SIK3: variants seen among roughly 807,000 people sequenced by gnomAD.
SIK3 encodes SIK family kinase 3, also known as serine/threonine-protein kinase SIK3.
Under a neutral mutation model 144.2 loss-of-function variants are expected in SIK3, and 28 were observed. The observed-to-expected ratio is 0.19, with a 90% CI of 0.14 to 0.27. The LOEUF (loss-of-function observed/expected upper bound fraction) is 0.27. Ranked by LOEUF, SIK3 falls within the 10% of genes least tolerant of loss-of-function variation. The pLI, the probability that SIK3 is intolerant of heterozygous loss-of-function variation, is 1.00. For synonymous variants in SIK3, 686 were observed against 676.3 expected (o/e 1.01, Z -0.22); for missense variants, 1,319 against 1,776.0 (o/e 0.74, Z 4.62).
At chr11:116,936,873 G>A (rs1037606808) in intron 3 of SIK3, among the ~76,000 whole-genome samples, 7 of 152,210 alleles carry the variant, frequency 4.6e-5, no homozygotes, top group Admixed American at 1.3e-4. Flanking sequence ...CTTTGCTCAG[G>A]GTTTTACTTC....
chr11:117,062,618 T>A (rs1953845390), intron 1 of SIK3, among the ~76,000 whole-genome samples: 1 of 152,182 alleles, frequency 6.6e-6, no homozygotes, highest in Non-Finnish European at 1.5e-5. Flanking sequence ...TTAGTTTCAA[T>A]TCTGAATCAT....
At chr11:117,055,131 C>T (rs1429713400) in intron 1 of SIK3, among the ~76,000 whole-genome samples, 3 of 152,156 alleles carry the variant, frequency 2.0e-5, no homozygotes, top group Admixed American at 2.0e-4. Context: ...ACTGAAGCCA[C>T]AGAAAGACTC....
chr11:116,858,312 C>G lies in SIK3; in HGVS notation c.3153G>C (p.Arg1051=). The G allele has an allele frequency of 3.1e-6, 5 of 1,613,120 alleles. No homozygotes were observed. The highest frequency in any genetic ancestry group is 4.2e-6 in the Non-Finnish European group (5 of 1,179,324). ...GTTGCTGCTGTTGCTGCTGCTGCTG[C>G]CGTTGTTGCTGCTGCCTTTTAATGA... ...AQLIKRQQQQ[R]QQQQQQQQQQ... The change falls in exon 21 of 25, where the codon CGG becomes CGC. Residue 1051 remains arginine, a synonymous_variant. Coordinates refer to ENST00000445177, the MANE Select transcript of SIK3 (RefSeq NM_001366686.3). The surrounding 1 kb of genome is among the most constrained non-coding windows in gnomAD (Gnocchi z 5.4).
chr11:116,903,213 ACCT>A (rs1945828339), intron 4 of SIK3, among the ~76,000 whole-genome samples: 1 of 152,174 alleles, frequency 6.6e-6, no homozygotes, highest in African/African-American at 2.4e-5. Flanking sequence ...ATGGGAGAAT[ACCT>A]CCTCTTCATT....
At chr11:117,081,602 C>T (rs1191385634) in intron 1 of SIK3, among the ~76,000 whole-genome samples, 2 of 151,914 alleles carry the variant, frequency 1.3e-5, no homozygotes, top group Admixed American at 1.3e-4. Context: ...CCAGCGTGGG[C>T]GACAGAGCGA....
chr11:116,887,571 C>T (rs1215072987), intron 6 of SIK3, among the ~76,000 whole-genome samples: 1 of 150,246 alleles, frequency 6.7e-6, no homozygotes, highest in Non-Finnish European at 1.5e-5. Flanking sequence ...GAGCTGAGGT[C>T]GCACCACTGC....
In SIK3 at chr11:117,086,548, G is replaced by A. The variant is rs193226182; in HGVS notation, c.273+11595C>T. On this transcript the variant is annotated intron_variant, in intron 1 of 24. Coordinates refer to ENST00000445177, the MANE Select transcript of SIK3 (RefSeq NM_001366686.3). ...TACTAAAAATACAAAAAAATTAGCC[G>A]GGTGTGGTGGTGGGCGCCCGTAGTC... 1.1e-3 allele frequency among the ~76,000 whole-genome samples: 170 copies of A among 152,000 alleles called. 1 individual carries two copies. Among genetic ancestry groups the A allele is most frequent in the East Asian group, 0.01 (54 of 5,146 alleles).
rs1018711000 is a variant in SIK3, at chr11:116,846,044, T to C, written c.*13+339A>G. 6.6e-6 allele frequency among the ~76,000 whole-genome samples: 1 copy of C among 152,226 alleles called. No individual in the cohort carries two copies. The highest frequency in any genetic ancestry group is 1.5e-5 in the Non-Finnish European group (1 of 68,040). On this transcript the variant is annotated intron_variant, in intron 24 of 24. Transcript: ENST00000445177. This position sits in a 1 kb window ranked among gnomAD's most constrained non-coding sequence, Gnocchi z 4.1. ...TAAGGACTTCCTCCTTTCCTCATTA[T>C]GCTGACCGGAGGTCACCTGCATCCT...
rs148808092 is a variant in SIK3, at chr11:116,939,375, T to C, written c.455-11995A>G. Among the ~76,000 whole-genome samples the C allele has an allele frequency of 7.6e-3, 1,158 of 152,366 alleles. 13 individuals are homozygous for C. The highest frequency in any genetic ancestry group is 0.027 in the African/African-American group (1,114 of 41,584). ...GTTGGTCAGGCTGGTCTGAAAATCC[T>C]GACCTCGTGATCCACCTGCCTCGGC... is the stretch of plus-strand genomic sequence containing the variant. On this transcript the variant is annotated intron_variant, in intron 3 of 24. Coordinates refer to ENST00000445177, the MANE Select transcript of SIK3 (RefSeq NM_001366686.3).
intron 1 of SIK3, among the ~76,000 whole-genome samples, chr11:117,009,626 A>G (rs1218679053): frequency 6.6e-6 from 1 of 152,210 alleles, no homozygotes; most frequent in Non-Finnish European, 1.5e-5. Context: ...AAATATAACC[A>G]ATTCATAAAT....
At chr11:116,862,839 CG>C (rs1439975377) in intron 16 of SIK3, among the ~76,000 whole-genome samples, 1 of 152,088 alleles carries the variant, frequency 6.6e-6, no homozygotes, top group Admixed American at 6.5e-5. Flanking sequence ...TTTGGGAGGC[CG>C]AGACGGGCGG....
intron 1 of SIK3, among the ~76,000 whole-genome samples, chr11:117,020,359 A>G (rs1203198554): frequency 6.6e-6 from 1 of 151,210 alleles, no homozygotes; most frequent in African/African-American, 2.4e-5. Flanking sequence ...CTGGTTCCTG[A>G]ACAGCTCCAG....
At position 116,862,258 on chromosome 11, in the gene SIK3, G is replaced by T. The variant is rs756632317; in HGVS notation, c.2173C>A (p.Gln725Lys). ...TGCTCCTGCTGGTATAACATATGCT[G>T]CTGCTGGGTCTTCTCCAGGGTTCTT... ...DERTLEKTQQ[Q>K]HMLYQQEQHH... Residue 725 changes from glutamine to lysine, a missense_variant, in exon 17 of 25, where the codon CAG becomes AAG. Around this residue, in one of 8 missense-constraint regions of SIK3, gnomAD observed 77 missense variants for 141.9 expected, o/e 0.54. Transcript: ENST00000445177. 1.9e-6 allele frequency: 3 copies of T among 1,614,192 alleles called. No homozygotes were observed. The East Asian group carries it at 6.7e-5, about 36-fold the overall frequency.
At chr11:117,005,755 AAT>A (rs1951022611) in intron 1 of SIK3, among the ~76,000 whole-genome samples, 1 of 152,196 alleles carries the variant, frequency 6.6e-6, no homozygotes. Flanking sequence ...CAAAGGACAT[AAT>A]AGTTATATAA....
intron 1 of SIK3, among the ~76,000 whole-genome samples, chr11:117,027,631 T>C (rs1952073604): frequency 6.6e-6 from 1 of 151,950 alleles, no homozygotes; most frequent in Non-Finnish European, 1.5e-5. Flanking sequence ...CCCAGCTAAC[T>C]TTTGTATTTT....
At chr11:116,899,460 ACTT>A (rs1245253027) in intron 4 of SIK3, among the ~76,000 whole-genome samples, 3 of 152,178 alleles carry the variant, frequency 2.0e-5, no homozygotes, top group African/African-American at 7.2e-5. Flanking sequence ...TGTTATATTT[ACTT>A]CTTATGACAA....
intron 7 of SIK3, among the ~76,000 whole-genome samples, chr11:116,876,622 C>T (rs1001576992): frequency 6.6e-6 from 1 of 152,178 alleles, no homozygotes; most frequent in African/African-American, 2.4e-5. Context: ...ATTGAGCACA[C>T]TAAGACAAGA....
chr11:117,056,798 C>T (rs1314661995), intron 1 of SIK3, among the ~76,000 whole-genome samples: 1 of 152,046 alleles, frequency 6.6e-6, no homozygotes, highest in Non-Finnish European at 1.5e-5. Context: ...AAGGATATAC[C>T]TACAAATTCA....
At chr11:116,853,552 G>T (rs545952141) in intron 21 of SIK3, among the ~76,000 whole-genome samples, 1 of 152,226 alleles carries the variant, frequency 6.6e-6, no homozygotes, top group Non-Finnish European at 1.5e-5. Flanking sequence ...ATTCTCTATT[G>T]AATCTGTCAA....
Sources: gnomAD v4.1 joint callset for allele counts (sites outside exome capture counted in the v4.1 genomes callset) on GRCh38, gnomAD v4.1.1 for gene constraint, gnomAD v4.1.1 regional missense constraint, Gnocchi (gnomAD v3.1) non-coding constraint, MANE v1.5 for transcripts, NCBI Gene and HGNC (gene_info 2026-07-23, HGNC 2026-07-21) for gene names.